BCCIP: variants seen among roughly 807,000 people sequenced by gnomAD.
BCCIP encodes BRCA2 and CDKN1A-interacting protein.
Under a neutral mutation model 32.8 loss-of-function variants are expected in BCCIP, and 23 were observed. The ratio of observed to expected loss-of-function variants is 0.70; its 90% confidence interval spans 0.51 to 0.99. The LOEUF (loss-of-function observed/expected upper bound fraction) is 0.99. Ranked by LOEUF, BCCIP falls within the 50% of genes least tolerant of loss-of-function variation. BCCIP has a pLI of 0.00. For synonymous variants in BCCIP, 144 were observed against 137.6 expected, an observed-to-expected ratio of 1.05 and a Z score of -0.33; for missense variants, 378 against 379.8, an observed-to-expected ratio of 1.00 and a Z score of 0.04.
chr10:125,835,684 G>A (rs1854661158), intron 6 of BCCIP, among the ~76,000 whole-genome samples: 1 of 152,190 alleles, frequency 6.6e-6, no homozygotes, highest in Non-Finnish European at 1.5e-5. Flanking sequence ...GGCGGGGTAT[G>A]CAGATTTACT....
intron 7 of BCCIP, chr10:125,852,327 C>G: frequency 6.2e-7 from 1 of 1,614,124 alleles, no homozygotes; most frequent in Non-Finnish European, 8.5e-7. Context: ...GGCCTAGGCC[C>G]GCAATGTCTA....
downstream of BCCIP, among the ~76,000 whole-genome samples, chr10:125,845,920 C>T (rs1045772296): frequency 8.5e-5 from 13 of 152,224 alleles, no homozygotes; most frequent in South Asian, 8.3e-4. Flanking sequence ...GAAGGAAACA[C>T]ACGCAGACCT....
chr10:125,844,824 A>G (rs1943991101), downstream of BCCIP, among the ~76,000 whole-genome samples: 1 of 152,236 alleles, frequency 6.6e-6, no homozygotes, highest in Admixed American at 6.5e-5. Flanking sequence ...GAGATGAACC[A>G]AACATCATCT....
At chr10:125,824,732 T>TA (rs1243940045) in intron 1 of BCCIP, among the ~76,000 whole-genome samples, 1 of 99,046 alleles carries the variant, frequency 1.0e-5, no homozygotes, top group Admixed American at 9.8e-5. Context: ...ATACTCCACT[T>TA]ACAGTCAGAG....
chr10:125,837,867 A>G (rs553329436), downstream of BCCIP, among the ~76,000 whole-genome samples: 1 of 152,242 alleles, frequency 6.6e-6, no homozygotes, highest in South Asian at 2.1e-4. Context: ...CTCTTCCCCG[A>G]CAGCTCCAAC....
downstream of BCCIP, among the ~76,000 whole-genome samples, chr10:125,845,820 G>A (rs1944009527): frequency 2.0e-5 from 3 of 152,338 alleles, no homozygotes; most frequent in South Asian, 4.1e-4. Flanking sequence ...AGTGCCACCC[G>A]CACCGTGAGG....
chr10:125,850,241 G>A (rs1455114867), intron 7 of BCCIP, among the ~76,000 whole-genome samples: 1 of 150,814 alleles, frequency 6.6e-6, no homozygotes, highest in Non-Finnish European at 1.5e-5. Context: ...GCCTCCCAAG[G>A]TGCCAGGATT....
exon 7 of BCCIP, chr10:125,841,856 A>G: frequency 6.2e-7 from 1 of 1,613,898 alleles, no homozygotes; most frequent in Non-Finnish European, 8.5e-7. Flanking sequence ...GATGATTCCA[A>G]ATTCAGAAAG....
chr10:125,827,801 C>G (rs1356917321), intron 3 of BCCIP, among the ~76,000 whole-genome samples, 163 bp downstream of exon 3: 1 of 151,826 alleles, frequency 6.6e-6, no homozygotes, highest in Non-Finnish European at 1.5e-5. Context: ...AATACTCTGT[C>G]TCTACAAAAA....
chr10:125,852,073 C>T (rs140257628), intron 7 of BCCIP, among the ~76,000 whole-genome samples: 1 of 152,320 alleles, frequency 6.6e-6, no homozygotes, highest in East Asian at 1.9e-4. Context: ...ACAGCAGACA[C>T]ATTTCTCGTG....
chr10:125,840,847 A>G (rs889146131), downstream of BCCIP: 1 of 1,584,408 alleles, frequency 6.3e-7, no homozygotes. Flanking sequence ...ATTCACTTAC[A>G]CTCACTGCTA....
exon 7 of BCCIP, chr10:125,841,657 C>T: frequency 6.5e-7 from 1 of 1,530,792 alleles, no homozygotes; most frequent in Admixed American, 2.5e-5. Context: ...CTGTGCTCCT[C>T]AAAATATAAT....
downstream of BCCIP, among the ~76,000 whole-genome samples, chr10:125,838,572 A>C (rs1483922310): frequency 2.6e-5 from 4 of 152,228 alleles, no homozygotes; most frequent in African/African-American, 9.7e-5. Flanking sequence ...TAAAACTTTG[A>C]GACAGTGATG....
At chr10:125,828,283 A>ATTCCCCCTTTATT (rs1379015766) in intron 3 of BCCIP, among the ~76,000 whole-genome samples, 1 of 152,096 alleles carries the variant, frequency 6.6e-6, no homozygotes, top group African/African-American at 2.4e-5. Flanking sequence ...AGGAGGGGGA[A>ATTCCCCCTTTATT]TGTGAATTTG....
intron 5 of BCCIP, 86 bp from the exon 6 acceptor site, chr10:125,833,674 CCCACTGAAGATG>C: frequency 1.7e-6 from 2 of 1,170,878 alleles, no homozygotes; most frequent in Non-Finnish European, 2.5e-6. Flanking sequence ...CACAGCAGAA[CCCACTGAAGATG>C]CCTCACCGGG....
At chr10:125,841,269 T>G (rs1296699745), downstream of BCCIP, 2 of 1,614,014 alleles carry the variant, frequency 1.2e-6, no homozygotes, top group Admixed American at 3.3e-5. Flanking sequence ...AGGGAAAACC[T>G]GAGGTGCTTG....
chr10:125,832,572 TC>T (rs1854548341), intron 5 of BCCIP, among the ~76,000 whole-genome samples: 1 of 152,058 alleles, frequency 6.6e-6, no homozygotes, highest in South Asian at 2.1e-4. Flanking sequence ...TTTTTTCTGA[TC>T]AGCTGGAGCT....
downstream of BCCIP, chr10:125,836,878 T>C (rs1016957247): frequency 1.9e-6 from 3 of 1,607,906 alleles, no homozygotes; most frequent in Middle Eastern, 3.3e-4. Context: ...GACAAAAAGA[T>C]GAGATTATGA....
chr10:125,838,207 G>C (rs753275231), downstream of BCCIP: 1 of 1,600,362 alleles, frequency 6.2e-7, no homozygotes, highest in African/African-American at 1.3e-5. Context: ...TAAACTTACA[G>C]TTCAGGAGAG....
Sources: allele counts gnomAD v4.1 joint callset (sites outside exome capture counted in the v4.1 genomes callset), GRCh38; gene constraint gnomAD v4.1.1; transcripts MANE v1.5; gene names NCBI Gene and HGNC (gene_info 2026-07-23, HGNC 2026-07-21).